DLC1: variants seen among roughly 807,000 people sequenced by gnomAD.
DLC1 encodes DLC1 Rho GTPase activating protein, also known as rho GTPase-activating protein 7.
DLC1 carries 54 observed loss-of-function variants against 140.3 expected under a neutral mutation model. That is an observed-to-expected ratio of 0.38 (90% confidence interval 0.31 to 0.48). The LOEUF is 0.48. DLC1 is among the 20% of genes least tolerant of loss of function. The pLI is 0.96. For synonymous variants in DLC1, 986 were observed against 728.1 expected (o/e 1.35, Z -5.70); for missense variants, 2,536 against 1,907.0 (o/e 1.33, Z -6.14).
intron 4 of DLC1, among the ~76,000 whole-genome samples, chr8:13,357,567 T>C (rs745647342): frequency 6.6e-6 from 1 of 152,214 alleles, no homozygotes; most frequent in Non-Finnish European, 1.5e-5. Context: ...CTTACTGGGT[T>C]TCTGCTGTTT....
intron 2 of DLC1, among the ~76,000 whole-genome samples, chr8:13,426,831 C>A (rs1302838250): frequency 1.3e-5 from 2 of 152,120 alleles, no homozygotes; most frequent in East Asian, 3.9e-4. Context: ...TGTCTCTCAT[C>A]CTAGGAGATC....
chr8:13,276,584 C>G, intron 5 of DLC1: 2 of 1,261,538 alleles, frequency 1.6e-6, no homozygotes, highest in Admixed American at 4.3e-5. Context: ...GCGCGCGCGG[C>G]GGCCACATCT....
At position 13,382,456 on chromosome 8, in the gene DLC1, C is replaced by T. The variant is rs975516598; in HGVS notation, c.1314+11097G>A. Among the ~76,000 whole-genome samples the T allele has an allele frequency of 1.2e-4, 15 of 121,080 alleles. No individual in the cohort carries two copies. In the East Asian group the frequency reaches 2.2e-3, roughly 18 times the overall value. The allele number at this position is 121,080 out of a possible 152,430, so 79.4% of individuals were successfully genotyped here. ...CCAGGGGGCGGAGCCTGCAGTGAGC[C>T]GAGATTGCGCCACTGCACTCCAGCC... On this transcript the variant is annotated intron_variant, in intron 4 of 17. Coordinates refer to ENST00000276297, the MANE Select transcript of DLC1 (RefSeq NM_182643.3).
chr8:13,507,046 CATG>C (rs1486783549), intron 1 of DLC1, among the ~76,000 whole-genome samples: 4 of 152,126 alleles, frequency 2.6e-5, no homozygotes, highest in African/African-American at 9.7e-5. Flanking sequence ...TGGAAACAGA[CATG>C]ATCACAGGAG....
intron 1 of DLC1, among the ~76,000 whole-genome samples, chr8:13,595,397 C>T (rs1161899249): frequency 6.6e-6 from 1 of 151,940 alleles, no homozygotes; most frequent in African/African-American, 2.4e-5. Context: ...AATAGTTATG[C>T]AAACAGAAAT....
intron 1 of DLC1, among the ~76,000 whole-genome samples, chr8:13,549,236 C>G (rs1009346691): frequency 2.6e-5 from 4 of 151,768 alleles, no homozygotes; most frequent in Non-Finnish European, 2.9e-5. Context: ...TCAGTCTTAG[C>G]GAGGTGATAC....
chr8:13,450,966 G>A (rs1295195738), intron 2 of DLC1, among the ~76,000 whole-genome samples: 1 of 143,704 alleles, frequency 7.0e-6, no homozygotes, highest in African/African-American at 2.6e-5. Flanking sequence ...TTGAAACCGG[G>A]AGGCAGAGGT....
At chr8:13,259,300 CCA>C (rs1830387556) in intron 5 of DLC1, among the ~76,000 whole-genome samples, 1 of 152,068 alleles carries the variant, frequency 6.6e-6, no homozygotes, top group African/African-American at 2.4e-5. Flanking sequence ...GCAAAATTTC[CCA>C]CAGACTATCC....
chr8:13,388,267 A>G (rs1836608540), intron 4 of DLC1, among the ~76,000 whole-genome samples: 1 of 151,978 alleles, frequency 6.6e-6, no homozygotes. Context: ...TGCTACCATT[A>G]CTTTTTCAGT....
intron 5 of DLC1, among the ~76,000 whole-genome samples, chr8:13,200,585 TTTG>T (rs950581702): frequency 2.2e-4 from 34 of 152,154 alleles, no homozygotes; most frequent in Non-Finnish European, 4.6e-4. Context: ...GATTACAATT[TTTG>T]TTGTTGTTGT....
chr8:13,550,402 T>G (rs1318846979), intron 1 of DLC1, among the ~76,000 whole-genome samples: 1 of 152,158 alleles, frequency 6.6e-6, no homozygotes, highest in Non-Finnish European at 1.5e-5. Context: ...TTCTCTTCTT[T>G]ATGAATTACC....
chr8:13,485,883 T>C (rs1461229749), intron 2 of DLC1, among the ~76,000 whole-genome samples: 1 of 152,210 alleles, frequency 6.6e-6, no homozygotes, highest in Non-Finnish European at 1.5e-5. Context: ...ATTTTAAGCA[T>C]AAAAATTTAG....
At chr8:13,150,330 AT>A (rs983053841) in intron 5 of DLC1, among the ~76,000 whole-genome samples, 1 of 151,934 alleles carries the variant, frequency 6.6e-6, no homozygotes, top group African/African-American at 2.4e-5. Flanking sequence ...TTCAAGGTGT[AT>A]TTTTTTTCTT....
chr8:13,462,960 A>T (rs1799740825), intron 2 of DLC1, among the ~76,000 whole-genome samples: 1 of 152,136 alleles, frequency 6.6e-6, no homozygotes, highest in African/African-American at 2.4e-5. Context: ...CACAAAGAAT[A>T]AAAATAAATC....
At chr8:13,193,807 A>G (rs1826898105) in intron 5 of DLC1, among the ~76,000 whole-genome samples, 2 of 152,188 alleles carry the variant, frequency 1.3e-5, no homozygotes, top group Non-Finnish European at 2.9e-5. Context: ...CCTCTCTGGG[A>G]GGTGGAAATC....
intron 5 of DLC1, among the ~76,000 whole-genome samples, chr8:13,196,841 G>A (rs1057311438): frequency 6.6e-6 from 1 of 152,194 alleles, no homozygotes; most frequent in Non-Finnish European, 1.5e-5. Context: ...GATTTCTAGT[G>A]GTAGGGATGT....
intron 5 of DLC1, among the ~76,000 whole-genome samples, chr8:13,138,322 T>C (rs1822718927): frequency 1.3e-5 from 2 of 152,216 alleles, no homozygotes; most frequent in South Asian, 4.1e-4. Context: ...CCCTATAATT[T>C]TATATTTGTA....
intron 2 of DLC1, among the ~76,000 whole-genome samples, chr8:13,425,515 A>G (rs1475871786): frequency 1.3e-5 from 2 of 152,220 alleles, no homozygotes; most frequent in East Asian, 1.9e-4. Flanking sequence ...TTTCTCTATC[A>G]GTCTCATTTA....
intron 4 of DLC1, among the ~76,000 whole-genome samples, chr8:13,319,699 T>G (rs1045275510): frequency 2.0e-5 from 3 of 152,108 alleles, no homozygotes; most frequent in African/African-American, 7.2e-5. Flanking sequence ...GTCAGCCAAT[T>G]AAACCTCTTT....
Sources: gnomAD v4.1 joint callset for allele counts (sites outside exome capture counted in the v4.1 genomes callset) on GRCh38, gnomAD v4.1.1 for gene constraint, MANE v1.5 for transcripts, NCBI Gene and HGNC (gene_info 2026-07-23, HGNC 2026-07-21) for gene names.